Variants in WSCD1 observed in about 807,000 individuals in gnomAD.
WSCD1 encodes the protein WSC domain sialate O sulfotransferase 1.
In WSCD1, 41 loss-of-function variants were observed where a neutral mutation model predicts 60.4. The ratio of observed to expected loss-of-function variants is 0.68; its 90% CI spans 0.53 to 0.88. WSCD1 has a LOEUF of 0.88. Ranked by LOEUF, WSCD1 falls within the 40% of genes least tolerant of loss-of-function variation. WSCD1 has a pLI of 0.00. For synonymous variants in WSCD1, 361 were observed against 332.5 expected (o/e 1.09, Z -0.93); for missense variants, 784 against 796.2 (o/e 0.98, Z 0.18).
At chr17:6,094,631 C>G (rs377174393) in intron 4 of WSCD1, among the ~76,000 whole-genome samples, 2 of 114,404 alleles carry the variant, frequency 1.7e-5, no homozygotes, top group Admixed American at 9.5e-5. Context: ...GGAAGGTAGG[C>G]AGGCCGGCAG....
intron 6 of WSCD1, 48 bp downstream of exon 6, chr17:6,109,814 G>A (rs773888920): frequency 1.0e-5 from 16 of 1,589,458 alleles, no homozygotes; most frequent in Non-Finnish European, 1.4e-5. Context: ...CTGGGGGGTG[G>A]GGAGAGCTTC....
chr17:6,107,954 G>A (rs1911190436), intron 5 of WSCD1, among the ~76,000 whole-genome samples: 1 of 152,198 alleles, frequency 6.6e-6, no homozygotes, highest in Non-Finnish European at 1.5e-5. Context: ...AGCCTATCAT[G>A]CACTGACTCA....
chr17:6,087,082 C>T (rs1165774031), intron 2 of WSCD1, among the ~76,000 whole-genome samples: 1 of 152,200 alleles, frequency 6.6e-6, no homozygotes, highest in African/African-American at 2.4e-5. Context: ...GGTGTGCGTT[C>T]ACGGCTTGGG....
At chr17:6,091,074 A>G (rs921882445) in intron 4 of WSCD1, among the ~76,000 whole-genome samples, 4 of 151,990 alleles carry the variant, frequency 2.6e-5, no homozygotes, top group African/African-American at 9.7e-5. Context: ...TTGTATTTTT[A>G]GTAGAGACGG....
At position 6,080,786 on chromosome 17, in the gene WSCD1, C is replaced by T. The variant is rs1478138740; in HGVS notation, c.128C>T (p.Pro43Leu). ...LLLQRVRVAL[P>L]QGPRAPGPLQ... ...CTGCAGCGGGTCCGCGTGGCTCTCC[C>T]ACAGGGCCCCCGGGCACCCGGCCCC... is the stretch of plus-strand genomic sequence containing the variant. Residue 43 changes from proline to leucine, a missense_variant, in exon 2 of 9, where the codon CCA becomes CTA. Transcript: ENST00000317744. The surrounding 1 kb of genome is among the most constrained non-coding windows in gnomAD (Gnocchi z 6.6). The T allele has an allele frequency of 6.2e-7, 1 of 1,610,950 alleles. No individual in the cohort carries two copies. Among genetic ancestry groups the T allele is most frequent in the East Asian group, 2.2e-5 (1 of 44,784 alleles).
chr17:6,109,680 A>T lies in WSCD1; in HGVS notation c.923A>T (p.Asp308Val), dbSNP rs776969452. ...CCTACCCCCCGGTTCAACCTGCGGGATGCCATGGACAGCTCAGTATGTGGC... is the reference window on the plus strand; with the variant it reads ...CCTACCCCCCGGTTCAACCTGCGGGTTGCCATGGACAGCTCAGTATGTGGC... ...AYPTPRFNLR[D>V]AMDSSVCGQD... The change falls in exon 6 of 9, where the codon GAT becomes GTT. Residue 308 changes from aspartate (D) to valine (V), a missense_variant. Asp to Val is a radical substitution (Grantham distance 152). Coordinates refer to ENST00000317744, the MANE Select transcript of WSCD1 (RefSeq NM_015253.2). 1.4e-5 allele frequency: 23 copies of T among 1,613,938 alleles called. No homozygotes were observed. Among genetic ancestry groups the T allele is most frequent in the Non-Finnish European group, 4.2e-6 (5 of 1,180,006 alleles).
At chr17:6,099,093 G>A (rs1191228932) in intron 5 of WSCD1, among the ~76,000 whole-genome samples, 6 of 152,032 alleles carry the variant, frequency 3.9e-5, no homozygotes, top group Non-Finnish European at 8.8e-5. Context: ...AGGTCAGGGG[G>A]TACAAATTGC....
intron 5 of WSCD1, among the ~76,000 whole-genome samples, chr17:6,100,330 C>T (rs1910725874): frequency 6.6e-6 from 1 of 152,212 alleles, no homozygotes; most frequent in South Asian, 2.1e-4. Flanking sequence ...GATGCCTTGG[C>T]AAAGCTGCCA....
rs1488369040 is a variant in WSCD1, at chr17:6,120,672, C to T, written c.*11C>T. ...TATGTGCCCAGATGATAGGCCTGGC[C>T]CACGCCGCCGCCCCCGCTGAGTGAC... On this transcript the variant is annotated 3_prime_UTR_variant, in exon 9 of 9. Transcript: ENST00000317744. 7.5e-6 allele frequency: 12 copies of T among 1,597,480 alleles called. No individual in the cohort carries two copies. The highest frequency in any genetic ancestry group is 1.7e-4 in the Middle Eastern group (1 of 5,994).
intron 4 of WSCD1, among the ~76,000 whole-genome samples, chr17:6,091,894 C>T (rs369131563): frequency 8.5e-5 from 13 of 152,160 alleles, no homozygotes; most frequent in Non-Finnish European, 1.5e-4. Context: ...CGGTGGCTCA[C>T]GCCTGTAATC....
chr17:6,097,518 G>C (rs540595345), intron 5 of WSCD1, among the ~76,000 whole-genome samples: 1 of 152,356 alleles, frequency 6.6e-6, no homozygotes, highest in Admixed American at 6.5e-5. Flanking sequence ...CGGACAGCCT[G>C]TCTCGGAGAT....
At chr17:6,077,797 C>A (rs987178418) in intron 1 of WSCD1, among the ~76,000 whole-genome samples, 3 of 152,206 alleles carry the variant, frequency 2.0e-5, no homozygotes, top group Non-Finnish European at 2.9e-5. Flanking sequence ...CATCAGAAAA[C>A]TTTTCACAGC....
intron 5 of WSCD1, among the ~76,000 whole-genome samples, chr17:6,105,543 A>G (rs1597366607): frequency 6.6e-6 from 1 of 152,312 alleles, no homozygotes; most frequent in East Asian, 1.9e-4. Context: ...TGAAAATTGT[A>G]CTGTGTTTTC....
chr17:6,071,938 G>T (rs1908570593), intron 1 of WSCD1, among the ~76,000 whole-genome samples: 1 of 152,210 alleles, frequency 6.6e-6, no homozygotes, highest in African/African-American at 2.4e-5. Context: ...CTAGGAGGAA[G>T]AGCAGGAGCT....
At chr17:6,069,364 CTG>C (rs1908371833), upstream of WSCD1, 1 of 393,212 alleles carries the variant, frequency 2.5e-6, no homozygotes, top group African/African-American at 2.1e-5. Flanking sequence ...ACTTGTGTGA[CTG>C]TTCAGCCTCT....
intron 4 of WSCD1, among the ~76,000 whole-genome samples, chr17:6,090,794 C>T (rs938282933): frequency 2.0e-5 from 3 of 152,122 alleles, no homozygotes; most frequent in Admixed American, 2.0e-4. Flanking sequence ...TGCTGTGTGG[C>T]CTCCGGCAGC....
intron 7 of WSCD1, among the ~76,000 whole-genome samples, chr17:6,115,587 C>A (rs188835510): frequency 2.0e-5 from 3 of 151,766 alleles, no homozygotes; most frequent in Non-Finnish European, 4.4e-5. Context: ...TTTTTCTTTT[C>A]TTTTCTTTTC....
chr17:6,109,461 G>C, intron 5 of WSCD1, 146 bp from the exon 6 acceptor site: 2 of 1,182,514 alleles, frequency 1.7e-6, no homozygotes, highest in Non-Finnish European at 2.4e-6. Flanking sequence ...ACAGAGCACA[G>C]TGGTGGAAGG....
intron 2 of WSCD1, among the ~76,000 whole-genome samples, chr17:6,087,563 C>T (rs557428686): frequency 6.6e-6 from 1 of 152,206 alleles, no homozygotes; most frequent in Non-Finnish European, 1.5e-5. Context: ...TTCTCTCTGG[C>T]CCCCAAGGAG....
Sources: gnomAD v4.1 joint callset for allele counts (sites outside exome capture counted in the v4.1 genomes callset) on GRCh38, gnomAD v4.1.1 for gene constraint, Gnocchi (gnomAD v3.1) non-coding constraint, MANE v1.5 for transcripts, NCBI Gene and HGNC (gene_info 2026-07-23, HGNC 2026-07-21) for gene names.